The following TMOD1 variants were observed in gnomAD, a reference collection of about 807,000 sequenced individuals.
TMOD1 encodes the protein tropomodulin-1.
In TMOD1, 17 loss-of-function variants were observed where a neutral mutation model predicts 40.6. That is an observed-to-expected ratio of 0.42 (90% CI 0.29 to 0.63). The LOEUF (loss-of-function observed/expected upper bound fraction) is 0.63, where lower values mean the gene tolerates loss of function less well. Among genes scored for constraint, TMOD1 ranks in the 20% least tolerant of loss-of-function variants. The pLI is 0.22. For synonymous variants in TMOD1, 181 were observed against 175.0 expected (o/e 1.03, Z -0.27); for missense variants, 391 against 447.6 (o/e 0.87, Z 1.14).
At chr9:97,522,751 C>T (rs1829937050) in intron 1 of TMOD1, among the ~76,000 whole-genome samples, 1 of 151,916 alleles carries the variant, frequency 6.6e-6, no homozygotes, top group African/African-American at 2.4e-5. Flanking sequence ...TTTGTAGAGG[C>T]AGGATCTCAC....
chr9:97,507,113 A>G (rs144234736), intron 1 of TMOD1, among the ~76,000 whole-genome samples: 67 of 152,328 alleles, frequency 4.4e-4, no homozygotes, highest in African/African-American at 1.5e-3. Context: ...TAAATCTACA[A>G]ATGAATTCAT....
intron 2 of TMOD1, among the ~76,000 whole-genome samples, chr9:97,545,560 G>A (rs114168760): frequency 0.015 from 2,251 of 152,332 alleles, 53 homozygotes; most frequent in African/African-American, 0.051. Context: ...CCCGTCAGGA[G>A]GTTAGAAGGC....
At chr9:97,553,213 G>A (rs1472434912) in intron 3 of TMOD1, 68 bp from the exon 4 acceptor site, 4 of 1,606,356 alleles carry the variant, frequency 2.5e-6, no homozygotes, top group South Asian at 1.1e-5. Flanking sequence ...GTCCACGCAG[G>A]GCTGTGGGTC....
intron 8 of TMOD1, among the ~76,000 whole-genome samples, chr9:97,576,891 G>A (rs186901707): frequency 2.6e-3 from 395 of 152,082 alleles, no homozygotes; most frequent in Non-Finnish European, 4.4e-3. Context: ...CGCCCACCTC[G>A]GCCTCCCAAA....
rs766091627 is a variant in TMOD1, at chr9:97,546,305, C to T, written c.241C>T (p.Arg81Ter). 5.0e-6 allele frequency: 8 copies of T among 1,613,886 alleles called. No homozygotes were observed. The highest frequency in any genetic ancestry group is 1.1e-5 in the South Asian group (1 of 91,038). ...LEKQAKEFKDREDLVPYTGEK... is the reference protein window; with the variant it reads ...LEKQAKEFKD ...AAAGCAAGCAAAGGAGTTTAAGGAC[C>T]GAGAAGATCTGGTCCCCTACACAGG... The change falls in exon 3 of 10, where the codon CGA becomes TGA. Residue 81 changes from arginine (R) to a stop codon, truncating the protein, a stop_gained. Coordinates refer to ENST00000259365, the MANE Select transcript of TMOD1 (RefSeq NM_003275.4). LOFTEE classifies it high-confidence loss of function.
At chr9:97,543,733 G>T (rs1443581632) in intron 2 of TMOD1, among the ~76,000 whole-genome samples, 2 of 152,204 alleles carry the variant, frequency 1.3e-5, no homozygotes, top group African/African-American at 4.8e-5. Context: ...AGGGCAGTGA[G>T]GTATTGTCTC....
intron 3 of TMOD1, 131 bp from the exon 4 acceptor site, chr9:97,553,150 G>T: frequency 7.3e-7 from 1 of 1,362,830 alleles, no homozygotes; most frequent in Non-Finnish European, 1.0e-6. Flanking sequence ...GTCCCCAGAG[G>T]GAGAAACCTG....
At chr9:97,596,217 G>C (rs1235556194) in intron 9 of TMOD1, among the ~76,000 whole-genome samples, 1 of 151,904 alleles carries the variant, frequency 6.6e-6, no homozygotes, top group Non-Finnish European at 1.5e-5. Flanking sequence ...CGTGTATGTT[G>C]AGCCCTCGTC....
intron 1 of TMOD1, among the ~76,000 whole-genome samples, chr9:97,503,834 G>A (rs555382151): frequency 1.3e-5 from 2 of 152,334 alleles, no homozygotes; most frequent in South Asian, 2.1e-4. Flanking sequence ...CTTGAGCAAT[G>A]AGGGGGCAGA....
chr9:97,575,065 C>T lies in TMOD1; in HGVS notation c.870+6028C>T, dbSNP rs186752228. Among the ~76,000 whole-genome samples, 561 of 152,346 alleles carry T rather than the reference C, an allele frequency of 3.7e-3. 1 individual carries two copies. The highest frequency in any genetic ancestry group is 0.013 in the African/African-American group (544 of 41,584). On this transcript the variant is annotated intron_variant, in intron 8 of 9. Coordinates refer to ENST00000259365, the MANE Select transcript of TMOD1 (RefSeq NM_003275.4). ...GGCAACCCGCTCGGGTCCACTTCCGCACTGTGGAAACTTTGTTCTTTCTCT... is the reference window on the plus strand; with the variant it reads ...GGCAACCCGCTCGGGTCCACTTCCGTACTGTGGAAACTTTGTTCTTTCTCT...
rs1004682401 is a variant in TMOD1 at position 97,553,549 on chromosome 9, T to C, written c.397+149T>C. On this transcript the variant is annotated intron_variant, in intron 4 of 9. Transcript: ENST00000259365. ...CCGAGAGTGTTCAAACAACAATCCA[T>C]TCTCAAAAACCAAAACAAGGAAAAT... 4.9e-6 allele frequency: 6 copies of C among 1,223,710 alleles called. No homozygotes were observed. The East Asian group carries it at 1.0e-4, about 21-fold the overall frequency. The allele number at this position is 1,223,710 out of a possible 1,614,324, so 75.8% of individuals were successfully genotyped here. A position where few individuals can be genotyped will look rare whatever the true frequency, so the allele number is the denominator to read the frequency against.
intron 8 of TMOD1, among the ~76,000 whole-genome samples, chr9:97,583,013 C>A (rs1043923024): frequency 1.0e-4 from 15 of 150,478 alleles, no homozygotes; most frequent in African/African-American, 2.7e-4. Context: ...GTCTAATTGC[C>A]CTGGCCAGAA....
At chr9:97,530,371 T>TTTA (rs1319948584) in intron 2 of TMOD1, among the ~76,000 whole-genome samples, 1 of 152,158 alleles carries the variant, frequency 6.6e-6, no homozygotes, top group Admixed American at 6.5e-5. Flanking sequence ...TCCTAAGAGT[T>TTTA]GATTTTAAAG....
chr9:97,580,781 T>C (rs1825733226), intron 8 of TMOD1, among the ~76,000 whole-genome samples: 2 of 152,240 alleles, frequency 1.3e-5, no homozygotes, highest in African/African-American at 4.8e-5. Flanking sequence ...ATCTCTCATA[T>C]TGCCCTTTTG....
rs1043302322 is a variant in TMOD1 at position 97,594,077 on chromosome 9, T to C, written c.1015+2642T>C. Among the ~76,000 whole-genome samples, 3 of 152,110 alleles carry C rather than the reference T, an allele frequency of 2.0e-5. No individual in the cohort carries two copies. In the East Asian group the frequency reaches 5.8e-4, roughly 29 times the overall value. On this transcript the variant is annotated intron_variant, in intron 9 of 9. Transcript: ENST00000259365. ...AATGTCAAGCTCAGGGGCCTGGCGA[T>C]GGAAGCAGGTGGGAAGCAGAGACCG... is the stretch of plus-strand genomic sequence containing the variant.
intron 2 of TMOD1, 113 bp from the exon 3 acceptor site, chr9:97,546,072 C>A (rs1054146360): frequency 1.7e-5 from 21 of 1,268,662 alleles, no homozygotes; most frequent in Non-Finnish European, 2.1e-5. Flanking sequence ...CTCTGAGGTC[C>A]CTTCTGTTCG....
chr9:97,540,226 G>T (rs1830257207), intron 2 of TMOD1, among the ~76,000 whole-genome samples: 1 of 152,134 alleles, frequency 6.6e-6, no homozygotes, highest in Non-Finnish European at 1.5e-5. Context: ...AAACAACAGA[G>T]ACTTATTTTT....
At chr9:97,539,616 T>TA (rs940760836) in intron 2 of TMOD1, among the ~76,000 whole-genome samples, 16 of 152,052 alleles carry the variant, frequency 1.1e-4, no homozygotes, top group African/African-American at 2.2e-4. Context: ...ATATGCCATT[T>TA]AAAAAAAACA....
At chr9:97,568,865 G>T (rs779051372) in intron 7 of TMOD1, 29 bp from the exon 8 acceptor site, 5 of 1,611,398 alleles carry the variant, frequency 3.1e-6, no homozygotes, top group South Asian at 2.2e-5. Flanking sequence ...GTGACTCATG[G>T]GTATCCTTGC....
Sources: allele counts gnomAD v4.1 joint callset (sites outside exome capture counted in the v4.1 genomes callset), GRCh38; gene constraint gnomAD v4.1.1; transcripts MANE v1.5; gene names NCBI Gene and HGNC (gene_info 2026-07-23, HGNC 2026-07-21).